GPC6: variants seen among roughly 807,000 people sequenced by gnomAD.
GPC6 encodes glypican-6.
A neutral mutation model predicts 55.2 loss-of-function variants in GPC6; 14 were observed. The ratio of observed to expected loss-of-function variants is 0.25; its 90% CI spans 0.17 to 0.40. The LOEUF (loss-of-function observed/expected upper bound fraction) is 0.40, where lower values mean the gene tolerates loss of function less well. GPC6 is among the 10% of genes least tolerant of loss of function. The probability of loss-of-function intolerance (pLI) is 1.00; values close to 1 mark genes in which losing one functional copy is unlikely to be tolerated. For missense variants in GPC6, 641 were observed against 708.5 expected (o/e 0.90, Z 1.08); for synonymous variants, 278 against 259.6 (o/e 1.07, Z -0.68).
intron 3 of GPC6, among the ~76,000 whole-genome samples, chr13:94,024,941 C>A (rs1882837173): frequency 6.6e-6 from 1 of 151,876 alleles, no homozygotes; most frequent in Non-Finnish European, 1.5e-5. Flanking sequence ...TAACAAATAC[C>A]CAAGTCATCA....
At chr13:94,136,406 C>T (rs1278380214) in intron 4 of GPC6, among the ~76,000 whole-genome samples, 1 of 152,154 alleles carries the variant, frequency 6.6e-6, no homozygotes, top group Non-Finnish European at 1.5e-5. Context: ...ACCTTGAATG[C>T]TGTGTTAAGA....
intron 4 of GPC6, among the ~76,000 whole-genome samples, chr13:94,228,402 T>C (rs754674765): frequency 1.3e-5 from 2 of 152,086 alleles, no homozygotes; most frequent in Non-Finnish European, 2.9e-5. Context: ...ATTGAAACTT[T>C]ATGAAGAAGA....
chr13:94,056,355 G>T (rs1200511888), intron 4 of GPC6, among the ~76,000 whole-genome samples: 1 of 152,052 alleles, frequency 6.6e-6, no homozygotes, highest in Non-Finnish European at 1.5e-5. Flanking sequence ...TGAGTACCCA[G>T]TCCTATAAAC....
chr13:93,310,627 C>T (rs932404488), intron 1 of GPC6, among the ~76,000 whole-genome samples: 5 of 152,198 alleles, frequency 3.3e-5, no homozygotes, highest in Middle Eastern at 3.4e-3. Flanking sequence ...TATAATTTTC[C>T]GGTTTTGGAA....
intron 2 of GPC6, among the ~76,000 whole-genome samples, chr13:93,652,322 C>G (rs951299009): frequency 6.6e-6 from 1 of 152,070 alleles, no homozygotes; most frequent in Non-Finnish European, 1.5e-5. Context: ...CAAATATTAT[C>G]TCACTCTAGT....
intron 3 of GPC6, among the ~76,000 whole-genome samples, chr13:93,992,373 G>A (rs1213457424): frequency 1.3e-5 from 2 of 152,116 alleles, no homozygotes; most frequent in Non-Finnish European, 2.9e-5. Context: ...GAAGGGTAGA[G>A]CTGGTTCCTT....
rs761512380 is a variant in GPC6 at position 94,027,773 on chromosome 13, G to A, written c.756G>A (p.Leu252=). The change falls in exon 4 of 9, where the codon CTG becomes CTA. Residue 252 remains leucine, a synonymous_variant. Transcript: ENST00000377047. The part of the protein sequence containing the change: ...PGCIRALMKM[L]YCPYCRGLPT... ...GTATCCGTGCCCTCATGAAGATGCT[G>A]TACTGCCCATACTGTCGGGGGCTTC... 1.2e-6 allele frequency: 2 copies of A among 1,614,026 alleles called. No homozygotes were observed. Among genetic ancestry groups the A allele is most frequent in the South Asian group, 1.1e-5 (1 of 91,072 alleles).
At chr13:94,074,479 A>G (rs892902349) in intron 4 of GPC6, among the ~76,000 whole-genome samples, 1 of 152,332 alleles carries the variant, frequency 6.6e-6, no homozygotes, top group East Asian at 1.9e-4. Context: ...CCTCCCCTTC[A>G]GGATGCCTCT....
At chr13:93,979,423 T>C (rs1311603318) in intron 3 of GPC6, among the ~76,000 whole-genome samples, 1 of 151,740 alleles carries the variant, frequency 6.6e-6, no homozygotes, top group African/African-American at 2.4e-5. Flanking sequence ...TAATAAAGGA[T>C]TAGGGTCATT....
chr13:93,596,583 G>T (rs1028955405), intron 2 of GPC6, among the ~76,000 whole-genome samples: 2 of 141,906 alleles, frequency 1.4e-5, no homozygotes, highest in African/African-American at 2.7e-5. Context: ...GAACCAAAAG[G>T]ATGTGAAATA....
intron 1 of GPC6, among the ~76,000 whole-genome samples, chr13:93,330,084 T>A (rs1339097702): frequency 6.6e-6 from 1 of 152,158 alleles, no homozygotes; most frequent in East Asian, 1.9e-4. Context: ...AAGCTCATAG[T>A]GTATATACAT....
At chr13:93,252,949 A>G (rs1876835345) in intron 1 of GPC6, among the ~76,000 whole-genome samples, 7 of 152,248 alleles carry the variant, frequency 4.6e-5, no homozygotes, top group Admixed American at 3.9e-4. Flanking sequence ...GCTTAAGCCA[A>G]TGGAAATCAG....
At chr13:93,855,775 G>A (rs1888584731) in intron 3 of GPC6, among the ~76,000 whole-genome samples, 1 of 151,522 alleles carries the variant, frequency 6.6e-6, no homozygotes, top group Admixed American at 6.6e-5. Flanking sequence ...CATATGATGT[G>A]GAGCATCTTT....
chr13:94,406,130 C>T lies in GPC6; in HGVS notation c.*2913C>T, dbSNP rs749775548. On this transcript the variant is annotated 3_prime_UTR_variant, in exon 9 of 9. Coordinates refer to ENST00000377047, the MANE Select transcript of GPC6 (RefSeq NM_005708.5). ...GGAATGGGCTCACTGAAACCTGACA[C>T]TAGAAATTGGTGGGTGATGCTCATA... The T allele has an allele frequency of 8.5e-5, 13 of 152,116 alleles. No individual in the cohort carries two copies. Among genetic ancestry groups the T allele is most frequent in the Non-Finnish European group, 1.9e-4 (13 of 68,002 alleles). 9.4% of individuals were successfully genotyped at this position (152,116 alleles called of 1,614,324 possible). A position where few individuals can be genotyped will look rare whatever the true frequency, so the allele number is the denominator to read the frequency against.
chr13:93,487,362 CT>C (rs766695865), intron 1 of GPC6, among the ~76,000 whole-genome samples: 3 of 152,158 alleles, frequency 2.0e-5, no homozygotes, highest in Non-Finnish European at 2.9e-5. Context: ...AATCTTCTCC[CT>C]TCTCCCATCC....
chr13:93,409,057 G>A (rs1476956395), intron 1 of GPC6, among the ~76,000 whole-genome samples: 4 of 152,006 alleles, frequency 2.6e-5, no homozygotes, highest in Admixed American at 6.6e-5. Flanking sequence ...TAGAGAGTTC[G>A]TCAGACTGGA....
intron 4 of GPC6, among the ~76,000 whole-genome samples, chr13:94,180,006 T>G (rs954365462): frequency 6.6e-6 from 1 of 152,122 alleles, no homozygotes; most frequent in Non-Finnish European, 1.5e-5. Flanking sequence ...AATAGTGAGA[T>G]GAGTGAGCAG....
At chr13:93,346,703 G>A (rs1457830022) in intron 1 of GPC6, among the ~76,000 whole-genome samples, 6 of 152,116 alleles carry the variant, frequency 3.9e-5, no homozygotes, top group Non-Finnish European at 7.4e-5. Flanking sequence ...GAGAAAAAAG[G>A]ACAAAAAGAA....
intron 6 of GPC6, among the ~76,000 whole-genome samples, chr13:94,319,465 C>A (rs1876708691): frequency 6.6e-6 from 1 of 152,102 alleles, no homozygotes; most frequent in Non-Finnish European, 1.5e-5. Flanking sequence ...TTGTTATTAC[C>A]ATTTTATACT....
Sources: gnomAD v4.1 joint callset for allele counts (sites outside exome capture counted in the v4.1 genomes callset) on GRCh38, gnomAD v4.1.1 for gene constraint, MANE v1.5 for transcripts, NCBI Gene and HGNC (gene_info 2026-07-23, HGNC 2026-07-21) for gene names.